LRRFIP2: variants seen among roughly 807,000 people sequenced by gnomAD.
The protein encoded by LRRFIP2 is LRR binding FLII interacting protein 2.
LRRFIP2 carries 109 observed loss-of-function variants against 125.9 expected under a neutral mutation model. The observed-to-expected ratio is 0.87, with a 90% CI of 0.74 to 1.01. The LOEUF is 1.01. Among genes scored for constraint, LRRFIP2 ranks in the 50% least tolerant of loss-of-function variants. LRRFIP2 has a pLI of 0.00. For synonymous variants in LRRFIP2, 291 were observed against 293.1 expected, an observed-to-expected ratio of 0.99 and a Z score of 0.07; for missense variants, 850 against 862.3, an observed-to-expected ratio of 0.99 and a Z score of 0.18.
Position 37,053,058 on chromosome 3 carries a change from G to GCCTGC in LRRFIP2, c.*788_*792dup, listed in dbSNP as rs2085923728. 1 of 152,504 alleles carries GCCTGC rather than the reference G, an allele frequency of 6.6e-6. No individual in the cohort carries two copies. Among genetic ancestry groups the GCCTGC allele is most frequent in the Non-Finnish European group, 1.5e-5 (1 of 68,006 alleles). 9.4% of individuals were successfully genotyped at this position (152,504 alleles called of 1,614,324 possible). On this transcript the variant is annotated 3_prime_UTR_variant, in exon 28 of 28. Coordinates refer to ENST00000336686, the MANE Select transcript of LRRFIP2 (RefSeq NM_006309.4). ...GAATCTGCAGGCAGATTTCCAATCT[G>GCCTGC]CCTGCCCTGCCCTACCCTCCCCCTT...
At chr3:37,160,791 GAAA>G (rs1159513281) in intron 1 of LRRFIP2, among the ~76,000 whole-genome samples, 1 of 147,016 alleles carries the variant, frequency 6.8e-6, no homozygotes, top group Non-Finnish European at 1.5e-5. Context: ...AAAAAAAAAA[GAAA>G]AAAAAATTCA....
intron 15 of LRRFIP2, among the ~76,000 whole-genome samples, chr3:37,101,571 G>A (rs573908881): frequency 9.5e-4 from 144 of 151,734 alleles, no homozygotes; most frequent in African/African-American, 3.4e-3. Flanking sequence ...AGGTTGAGGT[G>A]GGAGGATCAC....
At chr3:37,063,672 T>G (rs971573874) in intron 24 of LRRFIP2, 70 bp downstream of exon 24, 2 of 1,122,274 alleles carry the variant, frequency 1.8e-6, no homozygotes, top group Non-Finnish European at 2.7e-6. Flanking sequence ...TAATGAACAT[T>G]TCAATTAGCC....
intron 1 of LRRFIP2, among the ~76,000 whole-genome samples, chr3:37,166,288 C>A (rs938301967): frequency 5.9e-5 from 9 of 152,042 alleles, no homozygotes; most frequent in African/African-American, 2.2e-4. Flanking sequence ...CGAGATTGGG[C>A]CACTGCACTC....
intron 23 of LRRFIP2, 49 bp downstream of exon 23, chr3:37,065,760 AC>A (rs752565009): frequency 1.9e-5 from 30 of 1,613,336 alleles, no homozygotes; most frequent in Middle Eastern, 3.3e-4. Flanking sequence ...AAAGCAGAAA[AC>A]CCAATAGGGT....
At position 37,075,046 on chromosome 3, in the gene LRRFIP2, C is replaced by A. The variant is rs756084177; in HGVS notation, c.1349G>T (p.Arg450Leu). The A allele has an allele frequency of 1.2e-5, 20 of 1,612,606 alleles. No homozygotes were observed. The highest frequency in any genetic ancestry group is 1.7e-4 in the Middle Eastern group (1 of 6,058). ...HKMEELKEGL[R>L]QRDELIEEKQ... ...TACCTCAATAAGCTCATCTCTTTGC[C>A]GCAGGCCTTCTTTAAGTTCTTCCAT... Residue 450 changes from arginine (R) to leucine (L), a missense_variant, in exon 20 of 28, where the codon CGG becomes CTG. Coordinates refer to ENST00000336686, the MANE Select transcript of LRRFIP2 (RefSeq NM_006309.4).
Position 37,060,531 on chromosome 3 carries a change from G to A in LRRFIP2, c.1750-1621C>T, listed in dbSNP as rs559297639. 9.9e-5 allele frequency among the ~76,000 whole-genome samples: 15 copies of A among 151,934 alleles called. No individual in the cohort carries two copies. The highest frequency in any genetic ancestry group is 3.6e-4 in the African/African-American group (15 of 41,420). On this transcript the variant is annotated intron_variant, in intron 24 of 27. Transcript: ENST00000336686. The surrounding 1 kb of genome is among the most constrained non-coding windows in gnomAD (Gnocchi z 4.1). ...TTGGCCAGGCTGGTCTTGAACTCCT[G>A]ACCTCAAGTCATCCACCCACCTTGG...
chr3:37,140,964 G>A (rs1178510626), intron 2 of LRRFIP2, among the ~76,000 whole-genome samples: 3 of 151,868 alleles, frequency 2.0e-5, no homozygotes, highest in African/African-American at 7.3e-5. Context: ...CTTTCACTAA[G>A]ATAACTACAA....
At chr3:37,075,896 C>T (rs1030254301) in intron 19 of LRRFIP2, among the ~76,000 whole-genome samples, 8 of 151,956 alleles carry the variant, frequency 5.3e-5, no homozygotes, top group Non-Finnish European at 8.8e-5. Flanking sequence ...CTTAAATATA[C>T]AAATATATTT....
At chr3:37,063,675 A>T in intron 24 of LRRFIP2, 67 bp downstream of exon 24, 2 of 1,143,738 alleles carry the variant, frequency 1.7e-6, no homozygotes, top group East Asian at 4.7e-5. Context: ...TGAACATTTC[A>T]ATTAGCCAGT....
intron 1 of LRRFIP2, among the ~76,000 whole-genome samples, chr3:37,165,366 C>T (rs1417141350): frequency 7.7e-6 from 1 of 129,386 alleles, no homozygotes; most frequent in Non-Finnish European, 1.6e-5. Context: ...CCAACCCCCC[C>T]ACCCACCCCA....
At chr3:37,069,364 A>G (rs879393248) in intron 21 of LRRFIP2, among the ~76,000 whole-genome samples, 1 of 152,252 alleles carries the variant, frequency 6.6e-6, no homozygotes, top group African/African-American at 2.4e-5. Flanking sequence ...AATGTGGTAT[A>G]TACATACAAT....
chr3:37,135,053 C>G, intron 2 of LRRFIP2: 1 of 1,410,694 alleles, frequency 7.1e-7, no homozygotes, highest in Non-Finnish European at 1.0e-6. Context: ...AATAGACAGA[C>G]GTAAAAGTAC....
At chr3:37,132,713 C>T (rs1217998091) in intron 2 of LRRFIP2, among the ~76,000 whole-genome samples, 3 of 152,098 alleles carry the variant, frequency 2.0e-5, no homozygotes, top group South Asian at 2.1e-4. Context: ...ACCTAGTAGA[C>T]GAAATATATG....
chr3:37,159,089 A>G (rs952687001), intron 1 of LRRFIP2, among the ~76,000 whole-genome samples: 1 of 152,186 alleles, frequency 6.6e-6, no homozygotes, highest in Non-Finnish European at 1.5e-5. Context: ...ATTTATTTTT[A>G]CATTTTCTTC....
chr3:37,126,321 T>C (rs1047232679), intron 4 of LRRFIP2, among the ~76,000 whole-genome samples: 13 of 152,072 alleles, frequency 8.5e-5, no homozygotes, highest in Admixed American at 2.0e-4. Flanking sequence ...TGGGCCACTA[T>C]GCCCAGACCC....
At chr3:37,140,408 T>C (rs1483677683) in intron 2 of LRRFIP2, 1 of 149,010 alleles carries the variant, frequency 6.7e-6, no homozygotes, top group African/African-American at 2.5e-5. Context: ...GATATACAAA[T>C]TTGTGAAGCA....
Position 37,091,545 on chromosome 3 carries a change from G to T in LRRFIP2, c.1036-7C>A. On this transcript the variant is annotated splice_region_variant and splice_polypyrimidine_tract_variant and intron_variant, in intron 17 of 27. Coordinates refer to ENST00000336686, the MANE Select transcript of LRRFIP2 (RefSeq NM_006309.4). ...CCTTAAGGTCATAGATATCCTGCAG[G>T]ACATAGGAATGAACCATTGCATAAA... The T allele has an allele frequency of 3.8e-6, 6 of 1,598,520 alleles. No individual in the cohort carries two copies. Among genetic ancestry groups the T allele is most frequent in the Non-Finnish European group, 5.1e-6 (6 of 1,171,510 alleles).
chr3:37,102,979 C>A lies in LRRFIP2; in HGVS notation c.818G>T (p.Arg273Leu). ...SAADYFSRSN[R>L]RGSVVSEVDD... Reference sequence around the variant, plus strand: ...CACCTCAGAGACAACACTTCCCCTACGATTGGAGCGACTGAAATAATCAGC... The same window carrying A: ...CACCTCAGAGACAACACTTCCCCTAAGATTGGAGCGACTGAAATAATCAGC... Residue 273 changes from arginine to leucine, a missense_variant, in exon 15 of 28, where the codon CGT becomes CTT. Transcript: ENST00000336686. The A allele has an allele frequency of 7.7e-6, 12 of 1,566,028 alleles. No individual in the cohort carries two copies. Among genetic ancestry groups the A allele is most frequent in the Non-Finnish European group, 1.0e-5 (12 of 1,153,520 alleles).
Sources: gnomAD v4.1 joint callset for allele counts (sites outside exome capture counted in the v4.1 genomes callset) on GRCh38, gnomAD v4.1.1 for gene constraint, Gnocchi (gnomAD v3.1) non-coding constraint, MANE v1.5 for transcripts, NCBI Gene and HGNC (gene_info 2026-07-23, HGNC 2026-07-21) for gene names.